The following FAM178B variants were observed in gnomAD, a reference collection of about 807,000 sequenced individuals.
The protein encoded by FAM178B is family with sequence similarity 178 member B.
In FAM178B, 82 loss-of-function variants were observed where a neutral mutation model predicts 91.7. The ratio of observed to expected loss-of-function variants is 0.89; its 90% CI spans 0.75 to 1.07. FAM178B has a LOEUF of 1.07. FAM178B is among the 50% of genes least tolerant of loss of function. FAM178B has a pLI of 0.00. For synonymous variants in FAM178B, 368 were observed against 359.4 expected (o/e 1.02, Z -0.27); for missense variants, 769 against 846.7 (o/e 0.91, Z 1.14).
At chr2:96,910,640 T>TGCCC in intron 12 of FAM178B, among the ~76,000 whole-genome samples, 1 of 152,260 alleles carries the variant, frequency 6.6e-6, no homozygotes, top group Admixed American at 6.5e-5. Context: ...CTTACTTTGG[T>TGCCC]GCCCTTCTTT....
At chr2:96,967,260 A>T (rs2153375426) in intron 5 of FAM178B, among the ~76,000 whole-genome samples, 1 of 152,326 alleles carries the variant, frequency 6.6e-6, no homozygotes, top group East Asian at 1.9e-4. Flanking sequence ...GAATTTGGGC[A>T]GATAATTGGG....
At chr2:96,918,588 C>T (rs1238941259) in intron 12 of FAM178B, among the ~76,000 whole-genome samples, 4 of 152,196 alleles carry the variant, frequency 2.6e-5, no homozygotes, top group African/African-American at 7.2e-5. Flanking sequence ...GCTTTACATA[C>T]TTTAGGGTTG....
At chr2:96,966,291 CCAGAGCCCACATCCCTTCATCAT>C (rs1368839743) in intron 5 of FAM178B, among the ~76,000 whole-genome samples, 1 of 152,026 alleles carries the variant, frequency 6.6e-6, no homozygotes, top group African/African-American at 2.4e-5. Context: ...CACACCCTTC[CCAGAGCCCACATCCCTTCATCAT>C]CAGAGCCCAC....
intron 5 of FAM178B, among the ~76,000 whole-genome samples, chr2:96,964,228 A>C (rs763393928): frequency 6.0e-4 from 84 of 139,124 alleles, no homozygotes; most frequent in Non-Finnish European, 1.2e-3. Flanking sequence ...AAAAAAAAAA[A>C]GGTAAATGGC....
intron 1 of FAM178B, among the ~76,000 whole-genome samples, chr2:96,980,977 A>T (rs2082353395): frequency 1.3e-5 from 2 of 151,204 alleles, no homozygotes; most frequent in African/African-American, 2.4e-5. Context: ...CATTCTATTT[A>T]TTTTTTTTCT....
intron 13 of FAM178B, among the ~76,000 whole-genome samples, chr2:96,899,453 G>A (rs1386347600): frequency 6.6e-6 from 1 of 152,184 alleles, no homozygotes. Context: ...GCAGCAAGTG[G>A]GCTGGACCTG....
At chr2:96,975,500 C>G (rs2082277380) in intron 1 of FAM178B, among the ~76,000 whole-genome samples, 1 of 152,144 alleles carries the variant, frequency 6.6e-6, no homozygotes, top group African/African-American at 2.4e-5. Context: ...GCCTATAATT[C>G]GTAAAGATCA....
At chr2:96,969,384 C>T (rs1405328219) in intron 4 of FAM178B, among the ~76,000 whole-genome samples, 2 of 152,212 alleles carry the variant, frequency 1.3e-5, no homozygotes, top group South Asian at 2.1e-4. Context: ...CTCTCTGCCA[C>T]GTGAGGACAC....
intron 1 of FAM178B, among the ~76,000 whole-genome samples, chr2:96,985,252 G>A (rs1309927258): frequency 2.6e-5 from 4 of 152,136 alleles, no homozygotes; most frequent in African/African-American, 9.7e-5. Flanking sequence ...CGCCAGCCAG[G>A]ACCTGTTTCT....
chr2:96,915,661 C>CA (rs1341379369), intron 12 of FAM178B, among the ~76,000 whole-genome samples: 6 of 151,656 alleles, frequency 4.0e-5, no homozygotes, highest in Non-Finnish European at 8.8e-5. Context: ...ACTAAAAATA[C>CA]AAAAATTAGC....
chr2:96,980,500 C>T (rs1433362992), intron 1 of FAM178B, among the ~76,000 whole-genome samples: 1 of 152,138 alleles, frequency 6.6e-6, no homozygotes, highest in African/African-American at 2.4e-5. Context: ...TGGCCTCAAG[C>T]AATCCTCCTG....
chr2:96,947,921 C>A lies in FAM178B; in HGVS notation c.994-19G>T, dbSNP rs377369029. On this transcript the variant is annotated intron_variant, in intron 7 of 16. Coordinates refer to ENST00000490605, the MANE Select transcript of FAM178B (RefSeq NM_001122646.3). ...TCAGCAGCTAGGTGGAAAAAAAAAA[C>A]AAAAACAAAAACCTGGTGAGCTGGG... 5.9e-4 allele frequency: 785 copies of A among 1,329,832 alleles called. 9 individuals carry two copies. The African/African-American group carries it at 6.3e-3, about 11-fold the overall frequency. 82.4% of individuals were successfully genotyped at this position (1,329,832 alleles called of 1,614,324 possible).
chr2:96,903,265 TCCTGACC>T, intron 12 of FAM178B, among the ~76,000 whole-genome samples: 1 of 152,348 alleles, frequency 6.6e-6, no homozygotes, highest in Middle Eastern at 3.4e-3. Flanking sequence ...AGTCTCGATC[TCCTGACC>T]TCGTGATCCG....
At chr2:96,888,739 C>T (rs2080589660) in intron 14 of FAM178B, among the ~76,000 whole-genome samples, 1 of 152,258 alleles carries the variant, frequency 6.6e-6, no homozygotes, top group South Asian at 2.1e-4. Context: ...GAGATGTGCA[C>T]AGCACGCACT....
intron 4 of FAM178B, 106 bp downstream of exon 4, chr2:96,970,610 T>A (rs558367639): frequency 2.4e-6 from 2 of 850,140 alleles, no homozygotes; most frequent in Admixed American, 2.1e-5. Context: ...AGGCTGAGTC[T>A]GGGTGGGAGG....
chr2:96,908,100 G>C (rs2081088817), intron 12 of FAM178B, among the ~76,000 whole-genome samples: 1 of 152,248 alleles, frequency 6.6e-6, no homozygotes, highest in Non-Finnish European at 1.5e-5. Context: ...TGCCAGGTGG[G>C]AAGAACAAGG....
chr2:96,909,434 C>A (rs534326027), intron 12 of FAM178B, among the ~76,000 whole-genome samples: 1 of 152,296 alleles, frequency 6.6e-6, no homozygotes, highest in African/African-American at 2.4e-5. Flanking sequence ...CCTAGGTCCT[C>A]TACGCTTGGA....
intron 5 of FAM178B, among the ~76,000 whole-genome samples, chr2:96,966,819 A>C (rs2082149693): frequency 6.6e-6 from 1 of 152,172 alleles, no homozygotes; most frequent in Non-Finnish European, 1.5e-5. Flanking sequence ...TCTTTCTGTC[A>C]CGTGAGGACA....
chr2:96,896,246 T>A (rs1365706846), intron 13 of FAM178B, among the ~76,000 whole-genome samples: 1 of 152,174 alleles, frequency 6.6e-6, no homozygotes, highest in Non-Finnish European at 1.5e-5. Flanking sequence ...TTGCGATGCT[T>A]GCTCTTGTGT....
Sources: gnomAD v4.1 joint callset for allele counts (sites outside exome capture counted in the v4.1 genomes callset) on GRCh38, gnomAD v4.1.1 for gene constraint, MANE v1.5 for transcripts, NCBI Gene and HGNC (gene_info 2026-07-23, HGNC 2026-07-21) for gene names.